The following PKP4 variants were observed in gnomAD, a reference collection of about 807,000 sequenced individuals.
PKP4 encodes plakophilin-4.
Under a neutral mutation model 145.1 loss-of-function variants are expected in PKP4, and 90 were observed. That is an observed-to-expected ratio of 0.62 (90% CI 0.52 to 0.74). The LOEUF (loss-of-function observed/expected upper bound fraction) is 0.74, where lower values mean the gene tolerates loss of function less well. Among genes scored for constraint, PKP4 ranks in the 30% least tolerant of loss-of-function variants. The pLI is 0.00. For missense variants in PKP4, 1,340 were observed against 1,482.7 expected, an observed-to-expected ratio of 0.90 and a Z score of 1.58; for synonymous variants, 563 against 577.2, an observed-to-expected ratio of 0.98 and a Z score of 0.35.
chr2:158,476,049 CAAAG>C (rs1692419719), intron 1 of PKP4, among the ~76,000 whole-genome samples: 1 of 152,118 alleles, frequency 6.6e-6, no homozygotes. Context: ...GCAATAAAGA[CAAAG>C]AAACATCCTT....
chr2:158,581,900 G>A (rs2048363859), intron 3 of PKP4, among the ~76,000 whole-genome samples: 1 of 152,008 alleles, frequency 6.6e-6, no homozygotes, highest in Non-Finnish European at 1.5e-5. Flanking sequence ...TCCAAACAAG[G>A]TAAAAACCTC....
In PKP4 at chr2:158,529,575, G is replaced by A. The variant is rs2043326925; in HGVS notation, c.-5-3605G>A. Reference sequence around the variant, plus strand: ...TATCTGGAAGTAGTTATGTCCCAAGGAGCCTGAAGGAAAATTGTAAGCTCA... The same window carrying A: ...TATCTGGAAGTAGTTATGTCCCAAGAAGCCTGAAGGAAAATTGTAAGCTCA... On this transcript the variant is annotated intron_variant, in intron 1 of 21. Transcript: ENST00000389759. 2.6e-5 allele frequency among the ~76,000 whole-genome samples: 4 copies of A among 152,128 alleles called. No homozygotes were observed. In the South Asian group the frequency reaches 8.3e-4, roughly 32 times the overall value.
At chr2:158,504,520 G>A (rs1451075110) in intron 1 of PKP4, among the ~76,000 whole-genome samples, 1 of 152,200 alleles carries the variant, frequency 6.6e-6, no homozygotes. Context: ...ATTAGGAAGA[G>A]AGGAGACAAG....
chr2:158,465,658 G>A (rs1251141835), intron 1 of PKP4, among the ~76,000 whole-genome samples: 1 of 152,160 alleles, frequency 6.6e-6, no homozygotes, highest in East Asian at 1.9e-4. Context: ...TGAATAAACA[G>A]AATGTTTCAA....
At chr2:158,539,299 A>G (rs889606046) in intron 2 of PKP4, among the ~76,000 whole-genome samples, 3 of 152,116 alleles carry the variant, frequency 2.0e-5, no homozygotes, top group Non-Finnish European at 4.4e-5. Context: ...GTAATTACAC[A>G]CCCTTCCTGT....
At chr2:158,635,515 G>A (rs2053734430) in intron 9 of PKP4, among the ~76,000 whole-genome samples, 1 of 152,090 alleles carries the variant, frequency 6.6e-6, no homozygotes, top group Non-Finnish European at 1.5e-5. Context: ...TGAATTGTAG[G>A]TAATTTAGAC....
intron 2 of PKP4, among the ~76,000 whole-genome samples, chr2:158,535,511 G>A (rs770550573): frequency 4.6e-5 from 7 of 152,124 alleles, no homozygotes; most frequent in African/African-American, 1.4e-4. Flanking sequence ...CTGGGCTCAA[G>A]CAATCCTCCC....
intron 7 of PKP4, among the ~76,000 whole-genome samples, chr2:158,628,140 A>T (rs1558914326): frequency 6.6e-6 from 1 of 151,584 alleles, no homozygotes; most frequent in Non-Finnish European, 1.5e-5. Flanking sequence ...GCCACCATGC[A>T]CGGCTAATTT....
At chr2:158,668,323 C>A (rs1388933480) in intron 16 of PKP4, among the ~76,000 whole-genome samples, 1 of 152,160 alleles carries the variant, frequency 6.6e-6, no homozygotes, top group East Asian at 1.9e-4. Flanking sequence ...TCCTAGGAAC[C>A]TTCCCCTTCT....
chr2:158,588,110 G>A (rs1233549989), intron 3 of PKP4: 1 of 152,012 alleles, frequency 6.6e-6, no homozygotes, highest in Non-Finnish European at 1.5e-5. Context: ...TTACAATATT[G>A]TAAGTGAACA....
At chr2:158,463,599 C>G (rs1250345972) in intron 1 of PKP4, among the ~76,000 whole-genome samples, 1 of 152,146 alleles carries the variant, frequency 6.6e-6, no homozygotes, top group Non-Finnish European at 1.5e-5. Context: ...ATGAGCACAT[C>G]ATGTAACTCT....
Position 158,663,278 on chromosome 2 carries a change from G to A in PKP4, c.2410G>A (p.Gly804Arg). ...KRTPQEDQWD[G>R]VGPIPGLSKS... ...TGTGCTGTTTGTCTTTCAGTGGGAT[G>A]GAGTTGGTCCTATCCCAGGACTGTC... The change falls in exon 15 of 22, where the codon GGA becomes AGA. Residue 804 changes from glycine (G) to arginine (R), a missense_variant. By Grantham distance (125) the Gly-to-Arg change is moderately radical (BLOSUM62 -2). Coordinates refer to ENST00000389759, the MANE Select transcript of PKP4 (RefSeq NM_003628.6). The A allele has an allele frequency of 6.2e-7, 1 of 1,612,130 alleles. No homozygotes were observed. Among genetic ancestry groups the A allele is most frequent in the East Asian group, 2.2e-5 (1 of 44,860 alleles).
chr2:158,680,138 G>C (rs1277287071), intron 21 of PKP4, among the ~76,000 whole-genome samples: 2 of 152,186 alleles, frequency 1.3e-5, no homozygotes, highest in Admixed American at 6.5e-5. Context: ...CTCCAGTAAA[G>C]AGGGGAGGTT....
chr2:158,484,960 T>C (rs1320103800), intron 1 of PKP4, among the ~76,000 whole-genome samples: 1 of 152,186 alleles, frequency 6.6e-6, no homozygotes, highest in Non-Finnish European at 1.5e-5. Context: ...CCTAGTATAC[T>C]CATATCTCAC....
intron 1 of PKP4, among the ~76,000 whole-genome samples, chr2:158,516,399 A>G (rs2041942210): frequency 6.6e-6 from 1 of 152,162 alleles, no homozygotes. Context: ...TAGGAACCTC[A>G]TTTTGAGATG....
rs139254008 is a variant in PKP4 at position 158,468,352 on chromosome 2, C to T, written c.-6+11134C>T. On this transcript the variant is annotated intron_variant, in intron 1 of 21. Coordinates refer to ENST00000389759, the MANE Select transcript of PKP4 (RefSeq NM_003628.6). ...TTTTGTTACTGTTTTACAAATAGTA[C>T]TTCCCATAAGTTTACCTTATTTTTT... is the stretch of plus-strand genomic sequence containing the variant. Among the ~76,000 whole-genome samples the T allele has an allele frequency of 2.7e-3, 408 of 152,220 alleles. 2 individuals carry two copies. Among genetic ancestry groups the T allele is most frequent in the African/African-American group, 9.6e-3 (398 of 41,570 alleles).
chr2:158,649,226 C>T (rs2055117693), intron 11 of PKP4, among the ~76,000 whole-genome samples: 1 of 152,072 alleles, frequency 6.6e-6, no homozygotes, highest in Non-Finnish European at 1.5e-5. Context: ...AACCGAAGTC[C>T]AGGAAGGTTG....
intron 2 of PKP4, among the ~76,000 whole-genome samples, chr2:158,553,378 G>C (rs1481825712): frequency 6.6e-6 from 1 of 152,128 alleles, no homozygotes; most frequent in Non-Finnish European, 1.5e-5. Context: ...AATTTTCCAG[G>C]GAAGATCTGT....
intron 4 of PKP4, among the ~76,000 whole-genome samples, chr2:158,612,948 G>A (rs2051271112): frequency 6.6e-6 from 1 of 152,050 alleles, no homozygotes; most frequent in African/African-American, 2.4e-5. Flanking sequence ...GGCTCAAAAT[G>A]ATCAGATACA....
Sources: gnomAD v4.1 joint callset for allele counts (sites outside exome capture counted in the v4.1 genomes callset) on GRCh38, gnomAD v4.1.1 for gene constraint, MANE v1.5 for transcripts, NCBI Gene and HGNC (gene_info 2026-07-23, HGNC 2026-07-21) for gene names.